Variants in ADGRA2 observed in about 807,000 individuals in gnomAD.
The protein encoded by ADGRA2 is adhesion G protein-coupled receptor A2.
ADGRA2 carries 61 observed loss-of-function variants against 98.7 expected under a neutral mutation model. That is an observed-to-expected ratio of 0.62 (90% CI 0.50 to 0.76). ADGRA2 has a LOEUF of 0.76. Among genes scored for constraint, ADGRA2 ranks in the 30% least tolerant of loss-of-function variants. The pLI, the probability that ADGRA2 is intolerant of heterozygous loss-of-function variation, is 0.00. For synonymous variants in ADGRA2, 858 were observed against 831.5 expected, an observed-to-expected ratio of 1.03 and a Z score of -0.55; for missense variants, 1,712 against 1,860.0, an observed-to-expected ratio of 0.92 and a Z score of 1.46.
At chr8:37,839,350 G>T in intron 15 of ADGRA2, 149 bp from the exon 16 acceptor site, 1 of 1,424,776 alleles carries the variant, frequency 7.0e-7, no homozygotes. Context: ...AGGGGTTAAG[G>T]ACTCCCTACC....
At chr8:37,826,835 ACCT>A (rs1805298006) in intron 2 of ADGRA2, among the ~76,000 whole-genome samples, 1 of 150,940 alleles carries the variant, frequency 6.6e-6, no homozygotes, top group African/African-American at 2.4e-5. Context: ...CCCACCCCTG[ACCT>A]CCTCCTCCAT....
In ADGRA2 at chr8:37,835,183, A is replaced by T; in HGVS notation, c.1618A>T (p.Asn540Tyr). The change falls in exon 12 of 19, where the codon AAC becomes TAC. Residue 540 changes from asparagine (N) to tyrosine (Y), a missense_variant. Transcript: ENST00000412232. ...HAQHISVNAR[N>Y]VALEAYLIKP... ...AGGTCCCTGTCCCCAGAATGCGAGG[A>T]ACGTGGCATTGGAGGCCTACCTCAT... is the stretch of plus-strand genomic sequence containing the variant. 1.9e-6 allele frequency: 3 copies of T among 1,613,142 alleles called. No individual in the cohort carries two copies. Among genetic ancestry groups the T allele is most frequent in the Non-Finnish European group, 2.5e-6 (3 of 1,179,322 alleles).
Position 37,829,250 on chromosome 8 carries a change from T to C in ADGRA2, c.411-11T>C. 1 of 1,611,572 alleles carries C rather than the reference T, an allele frequency of 6.2e-7. No homozygotes were observed. Among genetic ancestry groups the C allele is most frequent in the Non-Finnish European group, 8.5e-7 (1 of 1,177,958 alleles). ...GTGGCCAACATGCTGAGGTTGCCTG[T>C]GTCTCTCTAGAGATCTCTCCAACAA... On this transcript the variant is annotated splice_polypyrimidine_tract_variant and intron_variant, in intron 3 of 18. Coordinates refer to ENST00000412232, the MANE Select transcript of ADGRA2 (RefSeq NM_032777.10).
rs200624144 is a variant in ADGRA2 at position 37,835,213 on chromosome 8, C to T, written c.1648C>T (p.Pro550Ser). The T allele has an allele frequency of 1.2e-3, 1,988 of 1,613,994 alleles. 32 individuals are homozygous for T. The South Asian group carries it at 0.02, about 17-fold the overall frequency. ...GGCATTGGAGGCCTACCTCATCAAGCCGCACAGCTACGTGGGCCTGACCTG... is the reference window on the plus strand; with the variant it reads ...GGCATTGGAGGCCTACCTCATCAAGTCGCACAGCTACGTGGGCCTGACCTG... ...NVALEAYLIK[P>S]HSYVGLTCTA... The change falls in exon 12 of 19, where the codon CCG (proline) becomes TCG (serine). Residue 550 changes from proline to serine, a missense_variant. Physicochemically the swap from Pro to Ser is moderately conservative, Grantham distance 74. Transcript: ENST00000412232.
intron 13 of ADGRA2, 42 bp downstream of exon 13, chr8:37,835,812 T>C: frequency 7.5e-7 from 1 of 1,324,826 alleles, no homozygotes; most frequent in Non-Finnish European, 1.1e-6. Flanking sequence ...GTGCCTCTCG[T>C]GTGTCCGCCC....
In ADGRA2 at chr8:37,837,329, G is replaced by A. The variant is rs930649940; in HGVS notation, c.2051-402G>A. Among the ~76,000 whole-genome samples the A allele has an allele frequency of 9.9e-5, 15 of 152,142 alleles. No individual in the cohort carries two copies. The South Asian group carries it at 1.7e-3, about 17-fold the overall frequency. On this transcript the variant is annotated intron_variant, in intron 13 of 18. Coordinates refer to ENST00000412232, the MANE Select transcript of ADGRA2 (RefSeq NM_032777.10). ...CGGGAGCCCCTCTCCCACTGGGAAC[G>A]CCTCCTCCTAGTCCTCTCTCCATCC...
At position 37,840,218 on chromosome 8, in the gene ADGRA2, C is replaced by T. The variant is rs749083382; in HGVS notation, c.2609C>T (p.Pro870Leu). The stretch of plus-strand genomic sequence containing the variant: ...AAGGAGCTCACCTGGAGGGCACCCC[C>T]TCCGCAAGAAGGGGACCCCGCTCTG... Reference protein sequence around the residue: ...LHKELTWRAPPPQEGDPALPT... With the variant: ...LHKELTWRAPLPQEGDPALPT... Residue 870 changes from proline to leucine, a missense_variant, in exon 17 of 19, where the codon CCT becomes CTT. Pro to Leu is a moderately conservative substitution (Grantham distance 98). Coordinates refer to ENST00000412232, the MANE Select transcript of ADGRA2 (RefSeq NM_032777.10). 1 of 1,612,974 alleles carries T rather than the reference C, an allele frequency of 6.2e-7. No homozygotes were observed. Among genetic ancestry groups the T allele is most frequent in the Non-Finnish European group, 8.5e-7 (1 of 1,179,924 alleles).
chr8:37,829,190 A>T (rs1805380127), intron 3 of ADGRA2, 71 bp from the exon 4 acceptor site: 1 of 1,119,786 alleles, frequency 8.9e-7, no homozygotes, highest in African/African-American at 1.6e-5. Flanking sequence ...GGCCCCACCC[A>T]TGTGTTCCTC....
At chr8:37,835,456 C>T in intron 12 of ADGRA2, 58 bp downstream of exon 12, 1 of 1,529,062 alleles carries the variant, frequency 6.5e-7, no homozygotes, top group Non-Finnish European at 9.0e-7. Context: ...ATGCAGGTGC[C>T]TGGTGGGGGC....
intron 1 of ADGRA2, among the ~76,000 whole-genome samples, chr8:37,803,693 C>G (rs557982086): frequency 6.6e-6 from 1 of 152,116 alleles, no homozygotes; most frequent in African/African-American, 2.4e-5. Context: ...AGCAGCCTCC[C>G]AGGACACTCT....
At position 37,842,354 on chromosome 8, in the gene ADGRA2, A is replaced by G; in HGVS notation, c.4016A>G (p.Ter1339=). The G allele has an allele frequency of 6.8e-7, 1 of 1,474,432 alleles. No individual in the cohort carries two copies. The highest frequency in any genetic ancestry group is 1.4e-5 in the South Asian group (1 of 71,536). The allele number at this position is 1,474,432 out of a possible 1,614,324, so 91.3% of individuals were successfully genotyped here. Residue 1339 remains the stop codon, a stop_retained_variant, in exon 19 of 19, where the codon TAA becomes TGA. Coordinates refer to ENST00000412232, the MANE Select transcript of ADGRA2 (RefSeq NM_032777.10). ...CTCTGGAAGAGCGAAACTACCGTCT[A>G]AGGTGGGGCGGGCGACGCGGTAGAC... ...TGLWKSETTV[*]
Position 37,833,132 on chromosome 8 carries a change from G to A in ADGRA2, c.1220G>A (p.Gly407Asp). 1 of 1,613,022 alleles carries A rather than the reference G, an allele frequency of 6.2e-7. No homozygotes were observed. ...TRASRRCDRAGRWEPGDYSHC... is the reference protein window; with the variant it reads ...TRASRRCDRADRWEPGDYSHC... ...GCCTCCCGCCGGTGTGACCGTGCCG[G>A]CCGCTGGGAGCCAGGGGACTACTCC... Residue 407 changes from glycine (G) to aspartate (D), a missense_variant, in exon 9 of 19, where the codon GGC (glycine) becomes GAC (aspartate). Gly to Asp is a moderately conservative substitution (Grantham distance 94, BLOSUM62 -1). Transcript: ENST00000412232.
chr8:37,806,149 T>C (rs1178532141), intron 1 of ADGRA2, among the ~76,000 whole-genome samples: 1 of 152,142 alleles, frequency 6.6e-6, no homozygotes, highest in Non-Finnish European at 1.5e-5. Flanking sequence ...GACACACACA[T>C]AGATGAACAT....
chr8:37,835,378 CTG>C lies in ADGRA2; in HGVS notation c.1815_1816del (p.Ser606ValfsTer98), dbSNP rs751905913. The C allele has an allele frequency of 6.2e-7, 1 of 1,611,370 alleles. No individual in the cohort carries two copies. The highest frequency in any genetic ancestry group is 1.1e-5 in the South Asian group (1 of 90,962). On this transcript the variant is annotated frameshift_variant, in exon 12 of 19. Coordinates refer to ENST00000412232, the MANE Select transcript of ADGRA2 (RefSeq NM_032777.10). LOFTEE classifies it high-confidence loss of function. The stretch of plus-strand genomic sequence containing the variant: ...CACCACCGGGAGGCCCAATGTTTCT[CTG>C]TCGTCCTTCCACATCAAGGTGGGCG... ...RCTTGRPNVS[L>X]SSFHIKNSVA...
Position 37,805,974 on chromosome 8 carries a change from C to G in ADGRA2, c.266+8440C>G, listed in dbSNP as rs543943090. On this transcript the variant is annotated intron_variant, in intron 1 of 18. Coordinates refer to ENST00000412232, the MANE Select transcript of ADGRA2 (RefSeq NM_032777.10). ...GAGGCAAGAGGAGTTCAAGACCAAC[C>G]TGGGCAACATAGTGAGACCTCCATC... Among the ~76,000 whole-genome samples the G allele has an allele frequency of 4.6e-5, 7 of 152,164 alleles. No individual in the cohort carries two copies. The East Asian group carries it at 1.4e-3, about 29-fold the overall frequency.
intron 13 of ADGRA2, among the ~76,000 whole-genome samples, chr8:37,836,405 C>T (rs1458198842): frequency 1.3e-5 from 2 of 152,034 alleles, no homozygotes; most frequent in African/African-American, 2.4e-5. Context: ...CAAGGAAGGG[C>T]GGAGACCAGG....
intron 2 of ADGRA2, among the ~76,000 whole-genome samples, chr8:37,826,139 G>T (rs1465355861): frequency 6.6e-6 from 1 of 152,194 alleles, no homozygotes; most frequent in Non-Finnish European, 1.5e-5. Flanking sequence ...GGGAGGGAAG[G>T]GGGGCTGCGC....
At position 37,832,999 on chromosome 8, in the gene ADGRA2, T is replaced by C; in HGVS notation, c.1098-11T>C. ...CCCGGTTCATCGGCAACTTCCTGCC[T>C]CTCCCCCCAGGTGGCCCCGAACTCT... On this transcript the variant is annotated splice_polypyrimidine_tract_variant and intron_variant, in intron 8 of 18. Coordinates refer to ENST00000412232, the MANE Select transcript of ADGRA2 (RefSeq NM_032777.10). The C allele has an allele frequency of 6.2e-7, 1 of 1,608,118 alleles. No homozygotes were observed. Among genetic ancestry groups the C allele is most frequent in the Non-Finnish European group, 8.5e-7 (1 of 1,176,880 alleles).
In ADGRA2 at chr8:37,835,368, C is replaced by A; in HGVS notation, c.1803C>A (p.Pro601=). 1 of 1,611,848 alleles carries A rather than the reference C, an allele frequency of 6.2e-7. No individual in the cohort carries two copies. The highest frequency in any genetic ancestry group is 8.5e-7 in the Non-Finnish European group (1 of 1,179,756). ...QLRFRCTTGR[P]NVSLSSFHIK... ...GCTTCCGCTGCACCACCGGGAGGCC[C>A]AATGTTTCTCTGTCGTCCTTCCACA... is the stretch of plus-strand genomic sequence containing the variant. Residue 601 remains proline, a synonymous_variant, in exon 12 of 19, where the codon CCC becomes CCA. Transcript: ENST00000412232.
Sources: gnomAD v4.1 joint callset for allele counts (sites outside exome capture counted in the v4.1 genomes callset) on GRCh38, gnomAD v4.1.1 for gene constraint, MANE v1.5 for transcripts, NCBI Gene and HGNC (gene_info 2026-07-23, HGNC 2026-07-21) for gene names.